SYN2: variants seen among roughly 807,000 people sequenced by gnomAD.
SYN2 encodes the protein synapsin II.
In SYN2, 19 loss-of-function variants were observed where a neutral mutation model predicts 50.9. The ratio of observed to expected loss-of-function variants is 0.37; its 90% CI spans 0.26 to 0.55. SYN2 has a LOEUF of 0.55. SYN2 is among the 20% of genes least tolerant of loss of function. The probability of loss-of-function intolerance (pLI) is 0.81; values close to 1 mark genes in which losing one functional copy is unlikely to be tolerated. For synonymous variants in SYN2, 255 were observed against 224.9 expected, an observed-to-expected ratio of 1.13 and a Z score of -1.20; for missense variants, 587 against 576.4, an observed-to-expected ratio of 1.02 and a Z score of -0.19.
At chr3:12,038,157 ACT>A (rs1694540338) in intron 1 of SYN2, among the ~76,000 whole-genome samples, 1 of 151,836 alleles carries the variant, frequency 6.6e-6, no homozygotes, top group Admixed American at 6.6e-5. Flanking sequence ...TGTTGAAAAG[ACT>A]CTTTTTCCTC....
chr3:12,008,137 A>G (rs1442005488), intron 1 of SYN2, among the ~76,000 whole-genome samples: 2 of 152,062 alleles, frequency 1.3e-5, no homozygotes, highest in African/African-American at 4.8e-5. Context: ...TGTGTGTTAT[A>G]CTCTCACCAG....
At chr3:12,083,170 C>G (rs1225623250) in intron 1 of SYN2, among the ~76,000 whole-genome samples, 1 of 152,136 alleles carries the variant, frequency 6.6e-6, no homozygotes, top group Non-Finnish European at 1.5e-5. Context: ...TACCACCACA[C>G]CTGGCTAATT....
At chr3:12,094,809 T>C (rs1695895451) in intron 1 of SYN2, among the ~76,000 whole-genome samples, 2 of 152,290 alleles carry the variant, frequency 1.3e-5, no homozygotes, top group South Asian at 4.1e-4. Context: ...CCAGGTGTCA[T>C]CTTGAACACT....
At chr3:12,050,178 G>A (rs1338558749) in intron 1 of SYN2, among the ~76,000 whole-genome samples, 2 of 152,146 alleles carry the variant, frequency 1.3e-5, no homozygotes, top group African/African-American at 4.8e-5. Context: ...TGGGATTACA[G>A]GCATGAGCCA....
Position 12,050,711 on chromosome 3 carries a change from C to CTTTTTTTTTTTTTTTT in SYN2, c.377+45803_377+45818dup, listed in dbSNP as rs57099569. 5.3e-4 allele frequency among the ~76,000 whole-genome samples: 27 copies of CTTTTTTTTTTTTTTTT among 50,576 alleles called. 11 individuals carry two copies. Among genetic ancestry groups the CTTTTTTTTTTTTTTTT allele is most frequent in the East Asian group, 3.8e-3 (4 of 1,046 alleles). The allele number at this position is 50,576 out of a possible 152,430, so 33.2% of individuals were successfully genotyped here. A position where few individuals can be genotyped will look rare whatever the true frequency, so the allele number is the denominator to read the frequency against. On this transcript the variant is annotated intron_variant, in intron 1 of 12. Transcript: ENST00000621198. ...AATAATCTCATCTTTCTTCTCTTCT[C>CTTTTTTTTTTTTTTTT]TTTTTTTTTTTTTTTTTTTTTTTTT...
intron 1 of SYN2, among the ~76,000 whole-genome samples, chr3:12,057,151 G>A (rs141778148): frequency 6.6e-6 from 1 of 152,022 alleles, no homozygotes; most frequent in East Asian, 1.9e-4. Flanking sequence ...AATTAGCTGG[G>A]CGTGGTGGCA....
At chr3:12,126,447 A>G (rs941851866) in intron 1 of SYN2, among the ~76,000 whole-genome samples, 2 of 152,228 alleles carry the variant, frequency 1.3e-5, no homozygotes, top group African/African-American at 4.8e-5. Context: ...CACATCACAT[A>G]TTGAAATCCT....
chr3:12,167,145 A>T (rs1697819479), intron 7 of SYN2, 89 bp from the exon 8 acceptor site: 1 of 1,334,860 alleles, frequency 7.5e-7, no homozygotes, highest in Middle Eastern at 1.9e-4. Flanking sequence ...GTGGAAAGCA[A>T]CAGTGAACTA....
At chr3:12,089,553 T>C (rs901286531) in intron 1 of SYN2, among the ~76,000 whole-genome samples, 1 of 152,220 alleles carries the variant, frequency 6.6e-6, no homozygotes, top group Non-Finnish European at 1.5e-5. Flanking sequence ...CATGTGCCTG[T>C]AGTCCTAGCT....
In SYN2 at chr3:12,067,519, G is replaced by A. The variant is rs576933979; in HGVS notation, c.377+62591G>A. 2.6e-5 allele frequency among the ~76,000 whole-genome samples: 4 copies of A among 151,888 alleles called. No homozygotes were observed. The South Asian group carries it at 6.2e-4, about 24-fold the overall frequency. On this transcript the variant is annotated intron_variant, in intron 1 of 12. Transcript: ENST00000621198. ...AGACTGTTAGAATGTTTATTAATTG[G>A]CCGGGTGTGGTGGCTCATGCCATGT...
At chr3:12,059,726 TC>T (rs1695073816) in intron 1 of SYN2, among the ~76,000 whole-genome samples, 1 of 152,128 alleles carries the variant, frequency 6.6e-6, no homozygotes, top group African/African-American at 2.4e-5. Context: ...CTTATTTACT[TC>T]TCAGGGCTAG....
intron 1 of SYN2, among the ~76,000 whole-genome samples, chr3:12,132,290 TA>T (rs1478487421): frequency 6.6e-6 from 1 of 152,210 alleles, no homozygotes; most frequent in East Asian, 1.9e-4. Context: ...AGTCCTCACC[TA>T]AGGAAGTATA....
chr3:12,042,192 C>T (rs951685311), intron 1 of SYN2, among the ~76,000 whole-genome samples: 1 of 152,096 alleles, frequency 6.6e-6, no homozygotes, highest in Non-Finnish European at 1.5e-5. Flanking sequence ...TTAAACATTG[C>T]AAGTTTTGTA....
At chr3:12,037,598 G>A (rs1694525299) in intron 1 of SYN2, among the ~76,000 whole-genome samples, 1 of 152,188 alleles carries the variant, frequency 6.6e-6, no homozygotes, top group Admixed American at 6.5e-5. Flanking sequence ...GAACTAGAGA[G>A]TGAGCAGGCT....
intron 10 of SYN2, among the ~76,000 whole-genome samples, chr3:12,174,928 G>A (rs1303136998): frequency 2.0e-5 from 3 of 152,010 alleles, no homozygotes; most frequent in South Asian, 2.1e-4. Context: ...CTATTTAATT[G>A]TCTGTTCTAC....
Position 12,169,825 on chromosome 3 carries a change from A to G in SYN2, c.1227A>G (p.Leu409=), listed in dbSNP as rs1697898469. 1.2e-6 allele frequency: 2 copies of G among 1,613,944 alleles called. No individual in the cohort carries two copies. The highest frequency in any genetic ancestry group is 8.5e-7 in the Non-Finnish European group (1 of 1,179,842). ...QVEDRQLITE[L]VISKMNQLLS... is the part of the protein sequence containing the mutation. Reference sequence around the variant, plus strand: ...AGGACAGGCAACTCATCACCGAACTAGTCATCAGCAAGATGAACCAGCTGC... The same window carrying G: ...AGGACAGGCAACTCATCACCGAACTGGTCATCAGCAAGATGAACCAGCTGC... Residue 409 remains leucine, a synonymous_variant, in exon 10 of 13, where the codon CTA becomes CTG. Coordinates refer to ENST00000621198, the MANE Select transcript of SYN2 (RefSeq NM_133625.6).
chr3:12,181,589 T>C (rs1352972799), intron 10 of SYN2, among the ~76,000 whole-genome samples: 1 of 152,202 alleles, frequency 6.6e-6, no homozygotes, highest in Admixed American at 6.5e-5. Flanking sequence ...CAATAGTGCA[T>C]CCATGTTACT....
chr3:12,146,636 C>T (rs1389776773), intron 4 of SYN2, among the ~76,000 whole-genome samples: 1 of 152,210 alleles, frequency 6.6e-6, no homozygotes, highest in Non-Finnish European at 1.5e-5. Flanking sequence ...CTGCCTCTCC[C>T]ATAGATTGAG....
chr3:12,060,370 G>T (rs896553184), intron 1 of SYN2, among the ~76,000 whole-genome samples: 4 of 152,122 alleles, frequency 2.6e-5, no homozygotes, highest in Non-Finnish European at 4.4e-5. Flanking sequence ...CTCTCCAGAG[G>T]AAAAGACTAC....
Sources: gnomAD v4.1 joint callset for allele counts (sites outside exome capture counted in the v4.1 genomes callset) on GRCh38, gnomAD v4.1.1 for gene constraint, MANE v1.5 for transcripts, NCBI Gene and HGNC (gene_info 2026-07-23, HGNC 2026-07-21) for gene names.